Variants in PRKG1 observed in about 807,000 individuals in gnomAD.
The protein encoded by PRKG1 is protein kinase cGMP-dependent 1, also known as cGMP-dependent protein kinase 1.
In PRKG1, 35 loss-of-function variants were observed where a neutral mutation model predicts 88.1. The observed-to-expected ratio is 0.40, with a 90% CI of 0.30 to 0.53. The LOEUF is 0.53. Ranked by LOEUF, PRKG1 falls within the 20% of genes least tolerant of loss-of-function variation. The pLI is 0.59. For synonymous variants in PRKG1, 303 were observed against 292.5 expected (o/e 1.04, Z -0.37); for missense variants, 540 against 839.8 (o/e 0.64, Z 4.41).
chr10:51,793,058 C>T (rs549256633), intron 3 of PRKG1, among the ~76,000 whole-genome samples: 2 of 142,670 alleles, frequency 1.4e-5, no homozygotes, highest in East Asian at 4.3e-4. Flanking sequence ...GTGCTAGTGA[C>T]TATCTCCAAA....
intron 5 of PRKG1, among the ~76,000 whole-genome samples, chr10:52,001,021 G>A (rs891134147): frequency 5.3e-5 from 8 of 151,784 alleles, no homozygotes; most frequent in Non-Finnish European, 8.8e-5. Context: ...CAAACACCTA[G>A]TAACTACCAT....
intron 5 of PRKG1, among the ~76,000 whole-genome samples, chr10:52,041,360 G>A (rs1468293084): frequency 2.0e-5 from 3 of 152,158 alleles, no homozygotes; most frequent in Non-Finnish European, 4.4e-5. Context: ...TTAAAGTGCT[G>A]TTGAATTCAG....
At chr10:51,732,917 G>A (rs927855281) in intron 3 of PRKG1, among the ~76,000 whole-genome samples, 21 of 151,956 alleles carry the variant, frequency 1.4e-4, no homozygotes, top group African/African-American at 3.9e-4. Flanking sequence ...CCTAGTTCTG[G>A]AGGCTTCGAT....
At chr10:51,954,235 C>A (rs977846256) in intron 5 of PRKG1, among the ~76,000 whole-genome samples, 1 of 152,004 alleles carries the variant, frequency 6.6e-6, no homozygotes, top group Non-Finnish European at 1.5e-5. Flanking sequence ...AAATAATAGG[C>A]TCAATTTTCT....
chr10:51,393,612 T>C (rs1243761688), intron 2 of PRKG1, among the ~76,000 whole-genome samples: 1 of 152,210 alleles, frequency 6.6e-6, no homozygotes, highest in East Asian at 1.9e-4. Context: ...ATTAACACCA[T>C]GGCAAAAAGA....
chr10:51,620,688 C>T (rs1689789743), intron 3 of PRKG1, among the ~76,000 whole-genome samples: 1 of 152,016 alleles, frequency 6.6e-6, no homozygotes, highest in African/African-American at 2.4e-5. Flanking sequence ...AAGCACTCCT[C>T]TAGAGCTAAG....
chr10:51,307,529 A>G (rs80040003), intron 2 of PRKG1, among the ~76,000 whole-genome samples: 4,804 of 152,220 alleles, frequency 0.032, 128 homozygotes, highest in South Asian at 0.076. Flanking sequence ...TGGTGCTTCA[A>G]TATTTCACAT....
At chr10:51,423,095 T>C (rs1449437592) in intron 2 of PRKG1, among the ~76,000 whole-genome samples, 23 of 151,870 alleles carry the variant, frequency 1.5e-4, no homozygotes, top group Admixed American at 1.5e-3. Context: ...GAAGAAAGAA[T>C]AACCATTCAC....
intron 5 of PRKG1, among the ~76,000 whole-genome samples, chr10:51,985,600 T>C (rs1844134270): frequency 6.6e-6 from 1 of 152,196 alleles, no homozygotes. Context: ...CAGTTTTGTT[T>C]GTGAGCTTGG....
chr10:51,601,771 T>G (rs7081054), intron 3 of PRKG1, among the ~76,000 whole-genome samples: 1 of 122,392 alleles, frequency 8.2e-6, no homozygotes, highest in Admixed American at 8.6e-5. Context: ...TTTTTTTTTG[T>G]AAGCTGAGCC....
Position 52,298,336 on chromosome 10 carries a change from AT to A in PRKG1, c.*4437del, listed in dbSNP as rs1228405706. ...TACTTTATAGAGTTGAAATAAAAAA[AT>A]AATTACTTTTGAACTTAGTTGATGT... On this transcript the variant is annotated 3_prime_UTR_variant, in exon 18 of 18. Transcript: ENST00000373980. 6.6e-6 allele frequency: 1 copy of A among 151,114 alleles called. No homozygotes were observed. The highest frequency in any genetic ancestry group is 2.4e-5 in the African/African-American group (1 of 40,996). 9.4% of individuals were successfully genotyped at this position (151,114 alleles called of 1,614,324 possible).
rs1271129314 is a variant in PRKG1, at chr10:51,961,818, T to G, written c.762+54248T>G. Among the ~76,000 whole-genome samples, 3 of 152,232 alleles carry G rather than the reference T, an allele frequency of 2.0e-5. No individual in the cohort carries two copies. The East Asian group carries it at 5.8e-4, about 29-fold the overall frequency. The stretch of plus-strand genomic sequence containing the variant: ...GGTAGTTTTTGGAGGCAAGCTGTAC[T>G]GACATTGTTGCAGCTACTCTTCCAG... On this transcript the variant is annotated intron_variant, in intron 5 of 17. Transcript: ENST00000373980.
intron 3 of PRKG1, among the ~76,000 whole-genome samples, chr10:51,694,669 G>A (rs1841237602): frequency 6.6e-6 from 1 of 152,232 alleles, no homozygotes; most frequent in Admixed American, 6.5e-5. Context: ...GTTTCACCCT[G>A]TCATCTTCAA....
At position 51,757,777 on chromosome 10, in the gene PRKG1, TA is replaced by T. The variant is rs552653837; in HGVS notation, c.593-46801del. On this transcript the variant is annotated intron_variant, in intron 3 of 17. Coordinates refer to ENST00000373980, the MANE Select transcript of PRKG1 (RefSeq NM_006258.4). Reference sequence around the variant, plus strand: ...ATGATATGTTCTGGATATATTGTGTTAAAAAAATTACAATTAATTTCACCTG... The same window carrying T: ...ATGATATGTTCTGGATATATTGTGTTAAAAAATTACAATTAATTTCACCTG... 1.1e-4 allele frequency among the ~76,000 whole-genome samples: 16 copies of T among 152,336 alleles called. No homozygotes were observed. In the East Asian group the frequency reaches 1.2e-3, roughly 11 times the overall value.
intron 3 of PRKG1, among the ~76,000 whole-genome samples, chr10:51,531,725 A>G (rs1481984908): frequency 7.4e-6 from 1 of 134,306 alleles, no homozygotes; most frequent in Non-Finnish European, 1.5e-5. Flanking sequence ...GCTCACTGCA[A>G]CCTCCACCTC....
intron 3 of PRKG1, among the ~76,000 whole-genome samples, chr10:51,801,544 G>T (rs1839173994): frequency 6.6e-6 from 1 of 151,918 alleles, no homozygotes; most frequent in Non-Finnish European, 1.5e-5. Context: ...TTGCCATATT[G>T]GTATAAAATA....
At chr10:52,064,336 C>A (rs1161963142) in intron 7 of PRKG1, among the ~76,000 whole-genome samples, 1 of 152,212 alleles carries the variant, frequency 6.6e-6, no homozygotes, top group African/African-American at 2.4e-5. Context: ...GGCTCAGTCC[C>A]AACTTTCCTC....
rs1401765492 is a variant in PRKG1, at chr10:51,520,275, G to A, written c.592+52439G>A. 2.0e-5 allele frequency among the ~76,000 whole-genome samples: 3 copies of A among 147,050 alleles called. No individual in the cohort carries two copies. The East Asian group carries it at 5.8e-4, about 29-fold the overall frequency. On this transcript the variant is annotated intron_variant, in intron 3 of 17. Transcript: ENST00000373980. ...GATATACATATAGAGTTATATATAT[G>A]CATATATATGAAATATATATTAAAT...
intron 2 of PRKG1, among the ~76,000 whole-genome samples, chr10:51,343,431 G>C (rs1842045504): frequency 6.6e-6 from 1 of 152,050 alleles, no homozygotes; most frequent in Non-Finnish European, 1.5e-5. Flanking sequence ...CTGCAGTTTT[G>C]ACTGCCCAAT....
Sources: allele counts gnomAD v4.1 joint callset (sites outside exome capture counted in the v4.1 genomes callset), GRCh38; gene constraint gnomAD v4.1.1; transcripts MANE v1.5; gene names NCBI Gene and HGNC (gene_info 2026-07-23, HGNC 2026-07-21).